RNF157: variants seen among roughly 807,000 people sequenced by gnomAD.
The protein encoded by RNF157 is ring finger protein 157.
A neutral mutation model predicts 88.3 loss-of-function variants in RNF157; 55 were observed. That is an observed-to-expected ratio of 0.62 (90% CI 0.50 to 0.78). The LOEUF (loss-of-function observed/expected upper bound fraction) is 0.78. Among genes scored for constraint, RNF157 ranks in the 30% least tolerant of loss-of-function variants. The pLI, the probability that RNF157 is intolerant of heterozygous loss-of-function variation, is 0.00. For missense variants in RNF157, 788 were observed against 860.8 expected, an observed-to-expected ratio of 0.92 and a Z score of 1.06; for synonymous variants, 334 against 341.2, an observed-to-expected ratio of 0.98 and a Z score of 0.23.
chr17:76,221,974 C>G (rs1304125627), intron 1 of RNF157, among the ~76,000 whole-genome samples: 2 of 152,144 alleles, frequency 1.3e-5, no homozygotes, highest in Non-Finnish European at 2.9e-5. Context: ...ATAGGTAAAT[C>G]CACAGAGAGA....
At chr17:76,228,120 A>T (rs571397268) in intron 1 of RNF157, among the ~76,000 whole-genome samples, 29 of 152,230 alleles carry the variant, frequency 1.9e-4, no homozygotes, top group Non-Finnish European at 2.8e-4. Context: ...CCATTTATGG[A>T]ATATTCCATT....
intron 1 of RNF157, among the ~76,000 whole-genome samples, chr17:76,237,811 T>A (rs1055306070): frequency 6.6e-6 from 1 of 151,718 alleles, no homozygotes; most frequent in Non-Finnish European, 1.5e-5. Flanking sequence ...CTGGGCGTGG[T>A]AGCTCACACC....
intron 8 of RNF157, 200 bp from the exon 9 acceptor site, chr17:76,162,823 T>C: frequency 2.1e-6 from 1 of 484,690 alleles, no homozygotes; most frequent in Non-Finnish European, 3.6e-6. Context: ...ATCAAATATT[T>C]AATTCACCCA....
rs1227918041 is a variant in RNF157, at chr17:76,162,246, C to T, written c.793-244G>A. ...CGAGCTCCTCCTATAAGGCCCAGAG[C>T]TGGGCCTCTCAAATCTCAGCTGAAG... On this transcript the variant is annotated intron_variant, in intron 9 of 18. Transcript: ENST00000269391. The T allele has an allele frequency of 5.2e-6, 3 of 580,798 alleles. No individual in the cohort carries two copies. The African/African-American group carries it at 5.6e-5, about 11-fold the overall frequency. 36.0% of individuals were successfully genotyped at this position (580,798 alleles called of 1,614,324 possible).
chr17:76,146,647 T>C lies in RNF157; in HGVS notation c.1922-1294A>G, dbSNP rs898814931. On this transcript the variant is annotated intron_variant, in intron 18 of 18. Transcript: ENST00000269391. The surrounding 1 kb of genome is among the most constrained non-coding windows in gnomAD (Gnocchi z 4.2). ...GCCCAGTGTGCTCCTAAGTGCTCCC[T>C]GCAGCCTGAACTACTGCTCCACGCA... 8.1e-6 allele frequency: 8 copies of C among 985,352 alleles called. No individual in the cohort carries two copies. The highest frequency in any genetic ancestry group is 7.2e-6 in the Non-Finnish European group (6 of 829,938). The allele number at this position is 985,352 out of a possible 1,614,324, so 61.0% of individuals were successfully genotyped here. A position where few individuals can be genotyped will look rare whatever the true frequency, so the allele number is the denominator to read the frequency against.
In RNF157 at chr17:76,234,072, A is replaced by G. The variant is rs1037426756; in HGVS notation, c.88+6081T>C. On this transcript the variant is annotated intron_variant, in intron 1 of 18. Coordinates refer to ENST00000269391, the MANE Select transcript of RNF157 (RefSeq NM_052916.3). ...GCCACTGCGCCACTGCCACTAATCT[A>G]CTTTCTGTCTCTGTGGATTTGCCTC... Among the ~76,000 whole-genome samples the G allele has an allele frequency of 3.3e-5, 5 of 151,830 alleles. No individual in the cohort carries two copies. In the South Asian group the frequency reaches 6.3e-4, roughly 19 times the overall value.
At chr17:76,212,627 T>A (rs1219627981) in intron 1 of RNF157, 145 bp from the exon 2 acceptor site, 1 of 578,874 alleles carries the variant, frequency 1.7e-6, no homozygotes, top group Non-Finnish European at 3.1e-6. Flanking sequence ...TTTGGGAGGC[T>A]GAGGCAGACA....
chr17:76,192,673 GT>G lies in RNF157; in HGVS notation c.208-18884del, dbSNP rs141829528. Among the ~76,000 whole-genome samples, 335 of 152,192 alleles carry G rather than the reference GT, an allele frequency of 2.2e-3. 4 individuals are homozygous for G. The East Asian group carries it at 0.034, about 15-fold the overall frequency. ...ACCACCATGTGTTTTTAAATTAAGG[GT>G]TTGTGGAGTAATACTGAGTAAGCTT... On this transcript the variant is annotated intron_variant, in intron 2 of 18. Coordinates refer to ENST00000269391, the MANE Select transcript of RNF157 (RefSeq NM_052916.3).
chr17:76,236,944 G>A (rs1157723786), intron 1 of RNF157, among the ~76,000 whole-genome samples: 2 of 152,230 alleles, frequency 1.3e-5, no homozygotes, highest in African/African-American at 2.4e-5. Context: ...GAAACCAAAA[G>A]TGGTTACATG....
intron 1 of RNF157, among the ~76,000 whole-genome samples, chr17:76,220,701 T>G (rs914766742): frequency 8.5e-5 from 13 of 152,112 alleles, no homozygotes; most frequent in African/African-American, 2.9e-4. Flanking sequence ...GGCTCACGCC[T>G]GTAATCCCAA....
intron 9 of RNF157, 68 bp from the exon 10 acceptor site, chr17:76,162,070 G>A: frequency 6.6e-7 from 1 of 1,507,990 alleles, no homozygotes; most frequent in Non-Finnish European, 9.1e-7. Context: ...TACTGACAAG[G>A]CAGCGTGGCT....
chr17:76,173,544 G>A (rs1449791804), intron 3 of RNF157, among the ~76,000 whole-genome samples, 158 bp downstream of exon 3: 5 of 152,142 alleles, frequency 3.3e-5, no homozygotes, highest in African/African-American at 7.2e-5. Context: ...CCTGATCTCA[G>A]CAGAAAGTAG....
intron 2 of RNF157, among the ~76,000 whole-genome samples, chr17:76,177,758 C>A (rs2069128175): frequency 6.6e-6 from 1 of 152,146 alleles, no homozygotes. Flanking sequence ...CCACCAGCTG[C>A]AGAGAGGAGC....
chr17:76,237,325 G>A (rs1397071571), intron 1 of RNF157, among the ~76,000 whole-genome samples: 1 of 152,240 alleles, frequency 6.6e-6, no homozygotes, highest in Non-Finnish European at 1.5e-5. Flanking sequence ...CGAAACAACT[G>A]TTCCACCGGC....
intron 16 of RNF157, chr17:76,154,542 A>C: frequency 1.8e-6 from 1 of 566,818 alleles, no homozygotes; most frequent in South Asian, 2.1e-5. Context: ...GATCCGAGCC[A>C]CATTACCCAT....
At chr17:76,163,887 C>T (rs916788417) in intron 8 of RNF157, 5 of 152,212 alleles carry the variant, frequency 3.3e-5, no homozygotes, top group African/African-American at 1.2e-4. Flanking sequence ...GCTCTTAAAA[C>T]TTGTTTTCAT....
intron 2 of RNF157, chr17:76,175,839 A>G (rs900762682): frequency 2.1e-6 from 2 of 956,740 alleles, no homozygotes; most frequent in African/African-American, 3.6e-5. Flanking sequence ...GAAAAATAAA[A>G]AGAAAGAAAA....
chr17:76,187,097 T>A (rs2069304850), intron 2 of RNF157, among the ~76,000 whole-genome samples: 1 of 152,134 alleles, frequency 6.6e-6, no homozygotes, highest in Non-Finnish European at 1.5e-5. Context: ...GTCTGGTTAC[T>A]CTGGCTAGGC....
chr17:76,203,756 A>C (rs1358884350), intron 2 of RNF157, among the ~76,000 whole-genome samples: 1 of 147,886 alleles, frequency 6.8e-6, no homozygotes, highest in East Asian at 2.0e-4. Context: ...CTGGCCTGTA[A>C]AAAGTTTTGT....
Sources: gnomAD v4.1 joint callset for allele counts (sites outside exome capture counted in the v4.1 genomes callset) on GRCh38, gnomAD v4.1.1 for gene constraint, Gnocchi (gnomAD v3.1) non-coding constraint, MANE v1.5 for transcripts, NCBI Gene and HGNC (gene_info 2026-07-23, HGNC 2026-07-21) for gene names.